The following CSGALNACT1 variants were observed in gnomAD, a reference collection of about 807,000 sequenced individuals.
CSGALNACT1 encodes chondroitin sulfate N-acetylgalactosaminyltransferase 1.
Under a neutral mutation model 51.0 loss-of-function variants are expected in CSGALNACT1, and 52 were observed. The observed-to-expected ratio is 1.02, with a 90% CI of 0.82 to 1.29. The LOEUF is 1.29. CSGALNACT1 is among the 50% of genes most tolerant of loss of function. The pLI, the probability that CSGALNACT1 is intolerant of heterozygous loss-of-function variation, is 0.00. For synonymous variants in CSGALNACT1, 341 were observed against 254.4 expected, an observed-to-expected ratio of 1.34 and a Z score of -3.24; for missense variants, 935 against 679.2, an observed-to-expected ratio of 1.38 and a Z score of -4.19.
Position 19,627,510 on chromosome 8 carries a change from C to A in CSGALNACT1, c.-543-25645G>T, listed in dbSNP as rs575070992. On this transcript the variant is annotated intron_variant, in intron 1 of 9. Coordinates refer to the CSGALNACT1 transcript ENST00000332246. ...GGTAATAACATTTCATAAAACTATA[C>A]ACACACACAAACACAAAAAAGCAAG... Among the ~76,000 whole-genome samples the A allele has an allele frequency of 1.2e-3, 190 of 152,030 alleles. 1 individual carries two copies. The highest frequency in any genetic ancestry group is 4.4e-3 in the African/African-American group (181 of 41,462).
chr8:19,561,674 G>T (rs1226178033), intron 3 of CSGALNACT1, among the ~76,000 whole-genome samples: 1 of 152,180 alleles, frequency 6.6e-6, no homozygotes, highest in Non-Finnish European at 1.5e-5. Context: ...AGGGGCAGGG[G>T]GCATACAGAG....
intron 1 of CSGALNACT1, among the ~76,000 whole-genome samples, chr8:19,630,217 T>C (rs181812201): frequency 0.019 from 2,719 of 145,076 alleles, 38 homozygotes; most frequent in Non-Finnish European, 0.031. Flanking sequence ...TGTGTGTGTG[T>C]GTGTGTGTGT....
In CSGALNACT1 at chr8:19,709,225, A is replaced by C. The variant is rs529726491; in HGVS notation, c.-297+48625T>G. Reference sequence around the variant, plus strand: ...AGAAGCTAACTCTTCTCCAGGTCTTAGAAAAAGGACTCAAGCCTATGCTCA... The same window carrying C: ...AGAAGCTAACTCTTCTCCAGGTCTTCGAAAAAGGACTCAAGCCTATGCTCA... On this transcript the variant is annotated intron_variant, in intron 1 of 1. Transcript: ENST00000517494. 9.8e-5 allele frequency among the ~76,000 whole-genome samples: 15 copies of C among 152,338 alleles called. No individual in the cohort carries two copies. In the South Asian group the frequency reaches 2.7e-3, roughly 27 times the overall value.
At chr8:19,562,597 C>T (rs1257392765) in intron 3 of CSGALNACT1, among the ~76,000 whole-genome samples, 2 of 151,514 alleles carry the variant, frequency 1.3e-5, no homozygotes, top group Non-Finnish European at 2.9e-5. Context: ...AACAAATTTA[C>T]AACAAAAAAA....
intron 5 of CSGALNACT1, among the ~76,000 whole-genome samples, chr8:19,447,654 G>A (rs1340135706): frequency 3.3e-5 from 5 of 152,216 alleles, no homozygotes; most frequent in Admixed American, 6.5e-5. Flanking sequence ...CTTGCCAGAT[G>A]TCCCAGAGCA....
At position 19,602,270 on chromosome 8, in the gene CSGALNACT1, A is replaced by G. The variant is rs543743953; in HGVS notation, c.-789T>C. The G allele has an allele frequency of 4.9e-5, 8 of 161,808 alleles. No homozygotes were observed. In the South Asian group the frequency reaches 1.3e-3, roughly 27 times the overall value. 10.0% of individuals were successfully genotyped at this position (161,808 alleles called of 1,614,324 possible). A position where few individuals can be genotyped will look rare whatever the true frequency, so the allele number is the denominator to read the frequency against. ...ACACTGGGGTTTCCAGGTTGGGGTCAGGAGGGAAAGTGCTGCCCCCCTCTG... is the reference window on the plus strand; with the variant it reads ...ACACTGGGGTTTCCAGGTTGGGGTCGGGAGGGAAAGTGCTGCCCCCCTCTG... On this transcript the variant is annotated 5_prime_UTR_variant, in exon 1 of 10. Coordinates refer to ENST00000454498, the Ensembl canonical transcript of CSGALNACT1.
chr8:19,460,482 A>G (rs180854599), intron 4 of CSGALNACT1, among the ~76,000 whole-genome samples: 3 of 152,298 alleles, frequency 2.0e-5, no homozygotes, highest in South Asian at 4.1e-4. Flanking sequence ...CTTGGAATGT[A>G]TCCCCCAGGA....
intron 4 of CSGALNACT1, among the ~76,000 whole-genome samples, chr8:19,475,348 G>A (rs923825198): frequency 3.3e-5 from 5 of 152,214 alleles, no homozygotes; most frequent in Non-Finnish European, 7.3e-5. Flanking sequence ...GCCACCACGA[G>A]GGTTTTGGGG....
chr8:19,737,545 G>C (rs558115097), intron 1 of CSGALNACT1, among the ~76,000 whole-genome samples: 134 of 150,940 alleles, frequency 8.9e-4, no homozygotes, highest in African/African-American at 3.1e-3. Flanking sequence ...GAGAACAACT[G>C]GAAAAACAAT....
chr8:19,599,504 G>GAAAT (rs1379839332), intron 2 of CSGALNACT1, among the ~76,000 whole-genome samples: 1 of 112,406 alleles, frequency 8.9e-6, no homozygotes, highest in Non-Finnish European at 2.0e-5. Flanking sequence ...AAGAAAGAAA[G>GAAAT]AAAGAAAGAA....
At chr8:19,458,780 A>G (rs1312314202) in intron 4 of CSGALNACT1, 138 bp from the exon 4 acceptor site, 1 of 819,458 alleles carries the variant, frequency 1.2e-6, no homozygotes, top group African/African-American at 1.7e-5. Context: ...CGAAAATTCA[A>G]AATGCTCCCA....
intron 8 of CSGALNACT1, among the ~76,000 whole-genome samples, chr8:19,409,054 C>T (rs1162474505): frequency 1.3e-5 from 2 of 152,062 alleles, no homozygotes; most frequent in Non-Finnish European, 2.9e-5. Context: ...GGCCCCACAC[C>T]AGTGCCAGCG....
intron 1 of CSGALNACT1, among the ~76,000 whole-genome samples, chr8:19,748,277 C>T (rs1387983062): frequency 6.6e-6 from 1 of 152,180 alleles, no homozygotes; most frequent in African/African-American, 2.4e-5. Flanking sequence ...TCTAGTCATT[C>T]CTGTCAGTCT....
Position 19,701,153 on chromosome 8 carries a change from G to GTTTTTTTTTTTTTTTTTTT in CSGALNACT1, c.-297+56678_-297+56696dup, listed in dbSNP as rs767074945. Among the ~76,000 whole-genome samples the GTTTTTTTTTTTTTTTTTTT allele has an allele frequency of 2.1e-5, 2 of 93,280 alleles. 1 individual carries two copies. Among genetic ancestry groups the GTTTTTTTTTTTTTTTTTTT allele is most frequent in the African/African-American group, 8.2e-5 (2 of 24,330 alleles). 61.2% of individuals were successfully genotyped at this position (93,280 alleles called of 152,430 possible). On this transcript the variant is annotated intron_variant, in intron 1 of 1. Coordinates refer to the CSGALNACT1 transcript ENST00000517494. Reference sequence around the variant, plus strand: ...GAAAATTTCAGTTCATCTATTATCCGTTTTTTTTTTTTTTTTTTTTGATAC... The same window carrying GTTTTTTTTTTTTTTTTTTT: ...GAAAATTTCAGTTCATCTATTATCCGTTTTTTTTTTTTTTTTTTTTTTTTTTTTTTTTTTTTTTTGATAC...
intron 1 of CSGALNACT1, among the ~76,000 whole-genome samples, chr8:19,622,190 C>T (rs1371976022): frequency 6.6e-6 from 1 of 152,202 alleles, no homozygotes; most frequent in Non-Finnish European, 1.5e-5. Flanking sequence ...ATGTCTTCCT[C>T]CAGGTCATCA....
At chr8:19,626,718 TA>T (rs1377995339) in intron 1 of CSGALNACT1, among the ~76,000 whole-genome samples, 4 of 152,216 alleles carry the variant, frequency 2.6e-5, no homozygotes, top group South Asian at 2.1e-4. Flanking sequence ...AATAACTTGC[TA>T]AACTAAATAG....
chr8:19,485,121 A>G (rs2072543072), intron 4 of CSGALNACT1, among the ~76,000 whole-genome samples: 1 of 152,198 alleles, frequency 6.6e-6, no homozygotes, highest in Non-Finnish European at 1.5e-5. Flanking sequence ...GATGGCCACC[A>G]TCAGTTACAC....
chr8:19,691,867 A>C (rs557523152), intron 1 of CSGALNACT1, among the ~76,000 whole-genome samples: 115 of 151,992 alleles, frequency 7.6e-4, no homozygotes, highest in African/African-American at 2.7e-3. Flanking sequence ...TCCAGCCCCC[A>C]CCCAGACCTA....
At chr8:19,696,026 T>C (rs1255687003) in intron 1 of CSGALNACT1, among the ~76,000 whole-genome samples, 1 of 152,212 alleles carries the variant, frequency 6.6e-6, no homozygotes, top group Non-Finnish European at 1.5e-5. Context: ...TTAAAAACTT[T>C]AAAGACCCAA....
Sources: allele counts gnomAD v4.1 joint callset (sites outside exome capture counted in the v4.1 genomes callset), GRCh38; gene constraint gnomAD v4.1.1; transcripts MANE v1.5; gene names NCBI Gene and HGNC (gene_info 2026-07-23, HGNC 2026-07-21).